The following ATP8A2 variants were observed in gnomAD, a reference collection of about 807,000 sequenced individuals.
ATP8A2 encodes the protein phospholipid-transporting ATPase IB.
A neutral mutation model predicts 165.6 loss-of-function variants in ATP8A2; 100 were observed. The ratio of observed to expected loss-of-function variants is 0.60; its 90% CI spans 0.51 to 0.71. The LOEUF (loss-of-function observed/expected upper bound fraction) is 0.71, where lower values mean the gene tolerates loss of function less well. ATP8A2 is among the 30% of genes least tolerant of loss of function. ATP8A2 has a pLI of 0.00. For missense variants in ATP8A2, 1,227 were observed against 1,479.5 expected (o/e 0.83, Z 2.80); for synonymous variants, 543 against 548.8 (o/e 0.99, Z 0.15).
intron 25 of ATP8A2, among the ~76,000 whole-genome samples, chr13:25,768,683 T>C (rs1209567404): frequency 6.6e-6 from 1 of 152,174 alleles, no homozygotes; most frequent in Non-Finnish European, 1.5e-5. Context: ...CTGTGCTGGT[T>C]TTCTGATTTA....
At chr13:25,781,585 T>G (rs2044880830) in intron 27 of ATP8A2, among the ~76,000 whole-genome samples, 1 of 151,970 alleles carries the variant, frequency 6.6e-6, no homozygotes, top group African/African-American at 2.4e-5. Flanking sequence ...GCCTTCCAGG[T>G]TCAAGCGATT....
intron 1 of ATP8A2, among the ~76,000 whole-genome samples, chr13:25,456,117 G>A (rs1366987685): frequency 6.6e-6 from 1 of 152,186 alleles, no homozygotes; most frequent in Non-Finnish European, 1.5e-5. Flanking sequence ...TGCACGGGAT[G>A]TTCTTCTCCA....
In ATP8A2 at chr13:25,551,506, A is replaced by G; in HGVS notation, c.1057+3A>G. The G allele has an allele frequency of 1.3e-6, 2 of 1,598,852 alleles. No homozygotes were observed. The highest frequency in any genetic ancestry group is 8.6e-7 in the Non-Finnish European group (1 of 1,168,534). ...GAACTGGTACATCAAGAAGATGGGT[A>G]AGTGTCGGGGTGGGTTGCTTGTTCC... On this transcript the variant is annotated splice_donor_region_variant and intron_variant, in intron 11 of 36. Transcript: ENST00000381655.
At chr13:25,708,381 T>A (rs2043095054) in intron 25 of ATP8A2, among the ~76,000 whole-genome samples, 2 of 152,218 alleles carry the variant, frequency 1.3e-5, no homozygotes, top group Admixed American at 1.3e-4. Flanking sequence ...ATGTTAACTT[T>A]CATCAGGAAA....
chr13:25,982,223 C>T (rs998950281), intron 35 of ATP8A2, among the ~76,000 whole-genome samples: 1 of 152,228 alleles, frequency 6.6e-6, no homozygotes, highest in African/African-American at 2.4e-5. Flanking sequence ...GCTGAATACA[C>T]TTTTGTCATA....
At chr13:25,712,918 A>G (rs2043184191) in intron 25 of ATP8A2, among the ~76,000 whole-genome samples, 2 of 152,220 alleles carry the variant, frequency 1.3e-5, no homozygotes, top group Non-Finnish European at 2.9e-5. Flanking sequence ...GATTCCAGCA[A>G]AGATAAGTTA....
At chr13:25,952,772 C>T (rs987904516) in intron 33 of ATP8A2, among the ~76,000 whole-genome samples, 4 of 152,210 alleles carry the variant, frequency 2.6e-5, no homozygotes, top group African/African-American at 9.6e-5. Context: ...AGCACACCTG[C>T]ACCTCAGCCA....
At chr13:25,390,902 G>C (rs1388804980) in intron 1 of ATP8A2, among the ~76,000 whole-genome samples, 1 of 150,212 alleles carries the variant, frequency 6.7e-6, no homozygotes, top group Non-Finnish European at 1.5e-5. Flanking sequence ...TCCAGCCTGG[G>C]CAACAGAGCA....
chr13:25,564,171 G>A (rs964612928), intron 16 of ATP8A2, 140 bp downstream of exon 16: 7 of 660,948 alleles, frequency 1.1e-5, no homozygotes, highest in Admixed American at 4.6e-5. Context: ...CTTCTGAGAA[G>A]TGATCTTAGA....
In ATP8A2 at chr13:25,844,236, C is replaced by CT. The variant is rs35630381; in HGVS notation, c.2956+4624dup. Among the ~76,000 whole-genome samples the CT allele has an allele frequency of 9.6e-3, 1,424 of 147,946 alleles. 18 individuals carry two copies. Among genetic ancestry groups the CT allele is most frequent in the Middle Eastern group, 0.032 (9 of 284 alleles). Reference sequence around the variant, plus strand: ...TGAGTACAAGTGAATTCTTATTACACTTTTTTTTTTTTGAGACAGAGTCCC... The same window carrying CT: ...TGAGTACAAGTGAATTCTTATTACACTTTTTTTTTTTTTGAGACAGAGTCCC... On this transcript the variant is annotated intron_variant, in intron 30 of 36. Coordinates refer to ENST00000381655, the MANE Select transcript of ATP8A2 (RefSeq NM_016529.6).
intron 2 of ATP8A2, among the ~76,000 whole-genome samples, chr13:25,486,648 C>A (rs552610973): frequency 1.3e-5 from 2 of 152,294 alleles, no homozygotes; most frequent in South Asian, 4.2e-4. Flanking sequence ...CATGGCTCCA[C>A]ATATACCCGT....
chr13:25,992,155 A>G (rs1956408668), intron 35 of ATP8A2, among the ~76,000 whole-genome samples: 1 of 147,932 alleles, frequency 6.8e-6, no homozygotes, highest in East Asian at 2.0e-4. Flanking sequence ...ACCATTTTAC[A>G]TTTTCATCAT....
At chr13:25,404,591 A>G (rs987675704) in intron 1 of ATP8A2, among the ~76,000 whole-genome samples, 2 of 152,008 alleles carry the variant, frequency 1.3e-5, no homozygotes, top group Non-Finnish European at 2.9e-5. Context: ...CATCTGAGAA[A>G]CTTGATCCAT....
At chr13:25,543,865 T>C (rs2038560456) in intron 10 of ATP8A2, among the ~76,000 whole-genome samples, 1 of 152,254 alleles carries the variant, frequency 6.6e-6, no homozygotes, top group South Asian at 2.1e-4. Context: ...TCTTTTTCCC[T>C]GTTAATGTTT....
chr13:25,842,008 A>G (rs544847147), intron 30 of ATP8A2, among the ~76,000 whole-genome samples: 8 of 152,286 alleles, frequency 5.3e-5, no homozygotes, highest in Non-Finnish European at 1.2e-4. Flanking sequence ...CTATCAGGCC[A>G]CAGCTCCCAG....
intron 32 of ATP8A2, 32 bp downstream of exon 32, chr13:25,860,892 AG>A (rs1566212088): frequency 6.9e-7 from 1 of 1,450,646 alleles, no homozygotes; most frequent in South Asian, 1.2e-5. Context: ...TTCTCTGTTC[AG>A]TATAGATATT....
chr13:25,596,702 A>AT (rs2138342881), intron 24 of ATP8A2, among the ~76,000 whole-genome samples: 1 of 152,272 alleles, frequency 6.6e-6, no homozygotes, highest in Admixed American at 6.5e-5. Context: ...GTTTGAGGTT[A>AT]TTATGAATAA....
chr13:25,567,122 A>C (rs1185736487), intron 16 of ATP8A2: 8 of 311,940 alleles, frequency 2.6e-5, no homozygotes, highest in Non-Finnish European at 4.5e-5. Context: ...AGTGTTTGAA[A>C]GATTTCAAAG....
chr13:25,784,246 C>A (rs2044964460), intron 27 of ATP8A2, among the ~76,000 whole-genome samples: 1 of 151,960 alleles, frequency 6.6e-6, no homozygotes, highest in Non-Finnish European at 1.5e-5. Context: ...AAAAAAAATG[C>A]AAGTCCAGAA....
Sources: gnomAD v4.1 joint callset for allele counts (sites outside exome capture counted in the v4.1 genomes callset) on GRCh38, gnomAD v4.1.1 for gene constraint, MANE v1.5 for transcripts, NCBI Gene and HGNC (gene_info 2026-07-23, HGNC 2026-07-21) for gene names.